Variants in R3HDM2 observed in about 807,000 individuals in gnomAD.
R3HDM2 encodes the protein R3H domain-containing protein 2.
Under a neutral mutation model 124.5 loss-of-function variants are expected in R3HDM2, and 38 were observed. The ratio of observed to expected loss-of-function variants is 0.31; its 90% CI spans 0.24 to 0.40. R3HDM2 has a LOEUF of 0.40. Among genes scored for constraint, R3HDM2 ranks in the 10% least tolerant of loss-of-function variants. The pLI is 1.00. For missense variants in R3HDM2, 869 were observed against 1,236.9 expected (o/e 0.70, Z 4.46); for synonymous variants, 391 against 448.0 (o/e 0.87, Z 1.61).
At chr12:57,406,703 T>C (rs934732515) in intron 1 of R3HDM2, among the ~76,000 whole-genome samples, 1 of 152,192 alleles carries the variant, frequency 6.6e-6, no homozygotes, top group Non-Finnish European at 1.5e-5. Context: ...GGGAGATTAA[T>C]AGACATCACA....
Position 57,277,103 on chromosome 12 carries a change from A to C in R3HDM2, c.1344+3255T>G, listed in dbSNP as rs1473787980. Among the ~76,000 whole-genome samples, 971 of 150,450 alleles carry C rather than the reference A, an allele frequency of 6.5e-3. 8 individuals carry two copies. Among genetic ancestry groups the C allele is most frequent in the African/African-American group, 0.02 (831 of 41,170 alleles). On this transcript the variant is annotated intron_variant, in intron 14 of 23. Transcript: ENST00000402412. ...TATGGAAAAATAAATAATGAACAAA[A>C]AAAAAAAAAAAAAAGACTGCCCTGA...
chr12:57,291,988 A>T (rs1166023230), intron 11 of R3HDM2, among the ~76,000 whole-genome samples: 1 of 152,242 alleles, frequency 6.6e-6, no homozygotes, highest in East Asian at 1.9e-4. Flanking sequence ...TGTTGTAGGA[A>T]GCAAGGTAAG....
rs1020790867 is a variant in R3HDM2, at chr12:57,296,436, T to C, written c.676A>G (p.Ile226Val). ...NVDQTGKAVI[I>V]NKTSNTRIPE... Reference sequence around the variant, plus strand: ...ATTCTTGTGTTACTAGTTTTGTTGATGATGACAGCTTTCCCAGTTTGATCA... The same window carrying C: ...ATTCTTGTGTTACTAGTTTTGTTGACGATGACAGCTTTCCCAGTTTGATCA... The change falls in exon 9 of 24, where the codon ATC becomes GTC. Residue 226 changes from isoleucine to valine, a missense_variant. Around this residue, in one of 2 missense-constraint regions of R3HDM2, gnomAD observed 267 missense variants for 447.7 expected, o/e 0.60. Coordinates refer to ENST00000402412, the MANE Select transcript of R3HDM2 (RefSeq NM_001394031.1). This position sits in a 1 kb window ranked among gnomAD's most constrained non-coding sequence, Gnocchi z 4.5. 3.2e-6 allele frequency: 5 copies of C among 1,552,234 alleles called. No individual in the cohort carries two copies. The highest frequency in any genetic ancestry group is 4.4e-6 in the Non-Finnish European group (5 of 1,147,134).
At position 57,310,326 on chromosome 12, in the gene R3HDM2, T is replaced by C. The variant is rs11832661; in HGVS notation, c.103A>G (p.Thr35Ala). The C allele has an allele frequency of 0.014, 21,713 of 1,548,810 alleles. 1,246 individuals carry two copies. In the African/African-American group the frequency reaches 0.18, roughly 13 times the overall value. ...SVNKNKFISK[T>A]PSKEEIEKEC... Reference sequence around the variant, plus strand: ...TTCTCAATTTCTTCCTTACTTGGAGTCTTAGATATAAACTTGTTTTTGTTT... The same window carrying C: ...TTCTCAATTTCTTCCTTACTTGGAGCCTTAGATATAAACTTGTTTTTGTTT... The change falls in exon 3 of 24, where the codon ACT (threonine) becomes GCT (alanine). Residue 35 changes from threonine (T) to alanine (A), a missense_variant. Physicochemically the swap from Thr to Ala is moderately conservative, Grantham distance 58. Transcript: ENST00000402412.
intron 14 of R3HDM2, among the ~76,000 whole-genome samples, chr12:57,275,407 A>G (rs1419920413): frequency 6.6e-6 from 1 of 151,964 alleles, no homozygotes; most frequent in Non-Finnish European, 1.5e-5. Context: ...ATGTTGGCTT[A>G]GGCAACGATT....
At chr12:57,425,272 C>CAA (rs372378364) in intron 1 of R3HDM2, among the ~76,000 whole-genome samples, 13 of 120,924 alleles carry the variant, frequency 1.1e-4, no homozygotes, top group East Asian at 9.4e-4. Flanking sequence ...AACTCCGTCT[C>CAA]AAAAAAAAAA....
At chr12:57,362,529 G>T (rs534827282) in intron 2 of R3HDM2, among the ~76,000 whole-genome samples, 1 of 152,132 alleles carries the variant, frequency 6.6e-6, no homozygotes, top group East Asian at 1.9e-4. Flanking sequence ...AACAGTAGAC[G>T]ATTAATAGTT....
intron 3 of R3HDM2, among the ~76,000 whole-genome samples, chr12:57,304,184 G>A (rs1433191607): frequency 6.6e-6 from 1 of 152,154 alleles, no homozygotes; most frequent in African/African-American, 2.4e-5. Context: ...AAAATATAGG[G>A]ATAAGACCTC....
intron 14 of R3HDM2, among the ~76,000 whole-genome samples, chr12:57,280,032 A>T (rs2045783136): frequency 6.6e-6 from 1 of 152,214 alleles, no homozygotes; most frequent in Non-Finnish European, 1.5e-5. Flanking sequence ...ATGGAAAAAA[A>T]TGCCTTGTTA....
At chr12:57,263,147 G>C (rs1385850320) in intron 19 of R3HDM2, among the ~76,000 whole-genome samples, 1 of 152,162 alleles carries the variant, frequency 6.6e-6, no homozygotes, top group African/African-American at 2.4e-5. Context: ...ATGGTTCAAA[G>C]ATCTTGCATT....
chr12:57,341,826 T>C (rs2059594765), intron 2 of R3HDM2, among the ~76,000 whole-genome samples: 1 of 152,200 alleles, frequency 6.6e-6, no homozygotes, highest in Non-Finnish European at 1.5e-5. Context: ...CTTCCTGCAA[T>C]GTGCGTCAAC....
At chr12:57,401,442 A>G (rs928762284) in intron 1 of R3HDM2, among the ~76,000 whole-genome samples, 6 of 152,212 alleles carry the variant, frequency 3.9e-5, no homozygotes, top group African/African-American at 1.4e-4. Context: ...TCCAGGTCCA[A>G]CCAGCCCCTA....
chr12:57,262,193 T>C (rs1470467368), intron 19 of R3HDM2, among the ~76,000 whole-genome samples: 1 of 152,186 alleles, frequency 6.6e-6, no homozygotes, highest in Non-Finnish European at 1.5e-5. Context: ...TTTTCCTTTT[T>C]TTGGTGGGGG....
At position 57,271,894 on chromosome 12, in the gene R3HDM2, ATTTTT is replaced by A. The variant is rs377415685; in HGVS notation, c.1345-1905_1345-1901del. On this transcript the variant is annotated intron_variant, in intron 14 of 23. Transcript: ENST00000402412. ...TGATACCAGAGAAGTCTGCAACTGCATTTTTTTTTTTTTTTGAGACGGAGTCTTGC... is the reference window on the plus strand; with the variant it reads ...TGATACCAGAGAAGTCTGCAACTGCATTTTTTTTTTGAGACGGAGTCTTGC... Among the ~76,000 whole-genome samples, 854 of 143,552 alleles carry A rather than the reference ATTTTT, an allele frequency of 5.9e-3. 6 individuals are homozygous for A. Among genetic ancestry groups the A allele is most frequent in the African/African-American group, 0.021 (817 of 39,266 alleles). 94.2% of individuals were successfully genotyped at this position (143,552 alleles called of 152,430 possible).
intron 1 of R3HDM2, among the ~76,000 whole-genome samples, chr12:57,417,730 GAACT>G (rs1367698750): frequency 1.3e-5 from 2 of 152,166 alleles, no homozygotes; most frequent in East Asian, 1.9e-4. Context: ...AAGTAAGTGA[GAACT>G]AACATTCTCT....
intron 21 of R3HDM2, among the ~76,000 whole-genome samples, chr12:57,257,226 G>T (rs769077374): frequency 1.4e-4 from 22 of 152,156 alleles, no homozygotes; most frequent in Non-Finnish European, 3.1e-4. Context: ...TAGTCGTGGA[G>T]CCAGACTGCC....
Position 57,254,867 on chromosome 12 carries a change from G to C in R3HDM2, c.2879C>G (p.Ser960Cys), listed in dbSNP as rs2038423140. The part of the protein sequence containing the change: ...FPSPLAAQNA[S>C]LRLNNSVSRF... ...ACTCACGGAGTTGTTGAGACGAAGG[G>C]AGGCATTTTGGGCAGCCAGGGGGCT... The change falls in exon 24 of 24, where the codon TCC (serine) becomes TGC (cysteine). Residue 960 changes from serine to cysteine, a missense_variant. Coordinates refer to ENST00000402412, the MANE Select transcript of R3HDM2 (RefSeq NM_001394031.1). 1 of 1,613,962 alleles carries C rather than the reference G, an allele frequency of 6.2e-7. No individual in the cohort carries two copies. The highest frequency in any genetic ancestry group is 1.7e-5 in the Admixed American group (1 of 59,988).
At chr12:57,397,958 C>T (rs1323728001) in intron 1 of R3HDM2, among the ~76,000 whole-genome samples, 2 of 152,076 alleles carry the variant, frequency 1.3e-5, no homozygotes, top group African/African-American at 2.4e-5. Context: ...CTAAGGCGGG[C>T]GAATCACGAG....
At chr12:57,422,127 C>A (rs1291268394) in intron 1 of R3HDM2, among the ~76,000 whole-genome samples, 1 of 150,674 alleles carries the variant, frequency 6.6e-6, no homozygotes, top group East Asian at 2.0e-4. Flanking sequence ...AATTTTGAGT[C>A]CATCTATCCC....
Sources: allele counts gnomAD v4.1 joint callset (sites outside exome capture counted in the v4.1 genomes callset), GRCh38; gene constraint gnomAD v4.1.1; regional missense constraint gnomAD v4.1.1; non-coding constraint Gnocchi (gnomAD v3.1); transcripts MANE v1.5; gene names NCBI Gene and HGNC (gene_info 2026-07-23, HGNC 2026-07-21).